Variants in NLRP13 observed in about 807,000 individuals in gnomAD.
The protein encoded by NLRP13 is NACHT, LRR and PYD domains-containing protein 13.
A neutral mutation model predicts 94.4 loss-of-function variants in NLRP13; 82 were observed. The observed-to-expected ratio is 0.87, with a 90% CI of 0.73 to 1.04. NLRP13 has a LOEUF of 1.04. Ranked by LOEUF, NLRP13 falls within the 50% of genes least tolerant of loss-of-function variation. The pLI is 0.00. For missense variants in NLRP13, 1,426 were observed against 1,230.8 expected (o/e 1.16, Z -2.37); for synonymous variants, 553 against 464.7 (o/e 1.19, Z -2.45).
chr19:55,895,371 A>C (rs968572703), downstream of NLRP13, among the ~76,000 whole-genome samples: 1 of 151,640 alleles, frequency 6.6e-6, no homozygotes, highest in Non-Finnish European at 1.5e-5. Flanking sequence ...ACAGAGCAAG[A>C]CTCCATCTCA....
In NLRP13 at chr19:55,906,923, T is replaced by G. The variant is rs1292736487; in HGVS notation, c.2447+869A>C. On this transcript the variant is annotated intron_variant, in intron 7 of 10. Coordinates refer to ENST00000342929, the MANE Select transcript of NLRP13 (RefSeq NM_176810.2). ...GCTCATTCTTAGGTCCCACCCCAAA[T>G]GTGCAGGATCTCTGCAGTTGAGTTC... 1.1e-4 allele frequency among the ~76,000 whole-genome samples: 16 copies of G among 151,882 alleles called. No individual in the cohort carries two copies. The South Asian group carries it at 3.3e-3, about 32-fold the overall frequency.
At chr19:55,927,267 G>T (rs1015686238) in intron 1 of NLRP13, among the ~76,000 whole-genome samples, 1 of 151,728 alleles carries the variant, frequency 6.6e-6, no homozygotes, top group Non-Finnish European at 1.5e-5. Context: ...TATTTGGGAG[G>T]CTGAGGCAGG....
intron 1 of NLRP13, among the ~76,000 whole-genome samples, chr19:55,926,916 C>T (rs1226864754): frequency 1.3e-5 from 2 of 151,800 alleles, no homozygotes; most frequent in Non-Finnish European, 2.9e-5. Flanking sequence ...GATGCAGAAG[C>T]AATTCAATAG....
At chr19:55,892,081 G>C (rs1985866110), downstream of NLRP13, 4 of 1,230,522 alleles carry the variant, frequency 3.3e-6, no homozygotes, top group South Asian at 4.1e-5. Flanking sequence ...TGTGAGGTCT[G>C]TATCTCCTCT....
chr19:55,902,432 C>T (rs1290722954), intron 8 of NLRP13, among the ~76,000 whole-genome samples: 2 of 152,046 alleles, frequency 1.3e-5, no homozygotes, highest in Non-Finnish European at 2.9e-5. Context: ...CTGTGGTTCT[C>T]ATTAGTGACT....
In NLRP13 at chr19:55,932,134, A is replaced by G. The variant is rs757171083; in HGVS notation, c.178T>C (p.Leu60=). 4.3e-5 allele frequency: 69 copies of G among 1,614,018 alleles called. No homozygotes were observed. The highest frequency in any genetic ancestry group is 3.3e-4 in the Middle Eastern group (2 of 6,084). The change falls in exon 1 of 11, where the codon TTG becomes CTG. Residue 60 remains leucine (L), a synonymous_variant. Coordinates refer to ENST00000342929, the MANE Select transcript of NLRP13 (RefSeq NM_176810.2). ...AGATTCAAAGGGTCGGCAGCTCTCA[A>G]GTTTGCCCAGGGGATACGCGGGAAG... ...GHFPRIPWAN[L]RAADPLNLSF...
chr19:55,907,652 A>T, intron 7 of NLRP13, 140 bp downstream of exon 7: 1 of 783,490 alleles, frequency 1.3e-6, no homozygotes, highest in Non-Finnish European at 2.1e-6. Context: ...GGCTCTACAC[A>T]TAGGAACATT....
chr19:55,893,388 CAAAA>C (rs955924073), downstream of NLRP13, among the ~76,000 whole-genome samples: 1 of 150,598 alleles, frequency 6.6e-6, no homozygotes, highest in African/African-American at 2.4e-5. Flanking sequence ...AACTCCATCT[CAAAA>C]AAAAAGTAAT....
chr19:55,894,119 C>T (rs1275822448), downstream of NLRP13, among the ~76,000 whole-genome samples: 1 of 144,420 alleles, frequency 6.9e-6, no homozygotes, highest in Non-Finnish European at 1.5e-5. Context: ...TGGCTCACTA[C>T]AGCCTCAAAC....
At chr19:55,904,517 A>G (rs1474765557) in intron 8 of NLRP13, among the ~76,000 whole-genome samples, 2 of 151,986 alleles carry the variant, frequency 1.3e-5, no homozygotes, top group East Asian at 1.9e-4. Context: ...TGGGAAATCA[A>G]CCCCATCCCT....
intron 3 of NLRP13, among the ~76,000 whole-genome samples, chr19:55,924,280 GC>G (rs1219561032): frequency 6.6e-6 from 1 of 151,948 alleles, no homozygotes; most frequent in Non-Finnish European, 1.5e-5. Flanking sequence ...ACACCACCAG[GC>G]CTGGCTGATT....
downstream of NLRP13, among the ~76,000 whole-genome samples, chr19:55,892,280 T>C (rs1371397040): frequency 2.6e-5 from 4 of 152,060 alleles, no homozygotes; most frequent in African/African-American, 9.7e-5. Context: ...AGGTAGTGAG[T>C]ATAGCACCTG....
chr19:55,898,742 C>G, intron 10 of NLRP13, 28 bp downstream of exon 10: 1 of 1,572,516 alleles, frequency 6.4e-7, no homozygotes, highest in Non-Finnish European at 8.6e-7. Context: ...AGAAGGAAGA[C>G]TCTGCAAGGA....
downstream of NLRP13, chr19:55,891,870 C>T: frequency 2.6e-6 from 1 of 389,728 alleles, no homozygotes; most frequent in Admixed American, 4.5e-5. Flanking sequence ...ACAACCGTGA[C>T]AAAGCCTCCT....
chr19:55,894,394 T>TA (rs1219281571), downstream of NLRP13, among the ~76,000 whole-genome samples: 5 of 152,196 alleles, frequency 3.3e-5, no homozygotes, highest in Admixed American at 6.5e-5. Context: ...GAAAGTGTTC[T>TA]AATTAAATGC....
At chr19:55,900,859 A>G (rs2123106398) in intron 9 of NLRP13, among the ~76,000 whole-genome samples, 1 of 152,222 alleles carries the variant, frequency 6.6e-6, no homozygotes, top group Admixed American at 6.5e-5. Context: ...TTTAGATGAA[A>G]GGAGATAGGC....
At chr19:55,924,121 TA>T in intron 3 of NLRP13, 142 bp from the exon 4 acceptor site, 1 of 660,370 alleles carries the variant, frequency 1.5e-6, no homozygotes, top group Non-Finnish European at 2.7e-6. Context: ...GCCCAGTTTA[TA>T]TTTTTTATTT....
intron 4 of NLRP13, among the ~76,000 whole-genome samples, chr19:55,917,519 C>A (rs1364290414): frequency 1.3e-5 from 2 of 150,550 alleles, no homozygotes; most frequent in African/African-American, 2.4e-5. Context: ...CAAATATATG[C>A]TGCTTAAAAA....
chr19:55,913,548 C>CAAAAAAAAAAAAAAAAA (rs10530056), intron 4 of NLRP13, among the ~76,000 whole-genome samples: 749 of 52,006 alleles, frequency 0.014, 118 homozygotes, highest in Non-Finnish European at 0.02. Flanking sequence ...GACTCCGTCT[C>CAAAAAAAAAAAAAAAAA]AAAAAAAAAA....
Sources: allele counts gnomAD v4.1 joint callset (sites outside exome capture counted in the v4.1 genomes callset), GRCh38; gene constraint gnomAD v4.1.1; transcripts MANE v1.5; gene names NCBI Gene and HGNC (gene_info 2026-07-23, HGNC 2026-07-21).